Variants in DNAH12 observed in about 807,000 individuals in gnomAD.
DNAH12 encodes the protein dynein axonemal heavy chain 12, also known as axonemal beta dynein heavy chain 12.
A neutral mutation model predicts 371.5 loss-of-function variants in DNAH12; 285 were observed. That is an observed-to-expected ratio of 0.77 (90% CI 0.70 to 0.85). The LOEUF (loss-of-function observed/expected upper bound fraction) is 0.85, where lower values mean the gene tolerates loss of function less well. Among genes scored for constraint, DNAH12 ranks in the 40% least tolerant of loss-of-function variants. DNAH12 has a pLI of 0.00. For synonymous variants in DNAH12, 1,200 were observed against 1,213.0 expected (o/e 0.99, Z 0.22); for missense variants, 3,611 against 3,689.4 (o/e 0.98, Z 0.55).
At chr3:57,526,498 GTT>G (rs1190930233) in intron 2 of DNAH12, among the ~76,000 whole-genome samples, 1 of 143,542 alleles carries the variant, frequency 7.0e-6, no homozygotes, top group East Asian at 2.0e-4. Flanking sequence ...CCATTCATCT[GTT>G]TATGGACACT....
intron 59 of DNAH12, among the ~76,000 whole-genome samples, chr3:57,355,040 A>G (rs1473189663): frequency 6.6e-6 from 1 of 152,178 alleles, no homozygotes; most frequent in Non-Finnish European, 1.5e-5. Flanking sequence ...GGTGGTAGAA[A>G]TATTCTGTAT....
chr3:57,415,047 T>C (rs1251780413), intron 38 of DNAH12, among the ~76,000 whole-genome samples: 3 of 152,122 alleles, frequency 2.0e-5, no homozygotes, highest in African/African-American at 4.8e-5. Flanking sequence ...CTAATGACCA[T>C]CCAGGAGGGT....
intron 2 of DNAH12, among the ~76,000 whole-genome samples, chr3:57,525,266 T>G (rs935248597): frequency 1.3e-5 from 2 of 152,114 alleles, no homozygotes; most frequent in Non-Finnish European, 2.9e-5. Context: ...TTTTGCTCAC[T>G]GCTCTCCCCA....
At chr3:57,323,782 A>G (rs770551358) in intron 62 of DNAH12, among the ~76,000 whole-genome samples, 163 bp from the exon 63 acceptor site, 1 of 152,228 alleles carries the variant, frequency 6.6e-6, no homozygotes, top group Non-Finnish European at 1.5e-5. Flanking sequence ...TAAAAACTAT[A>G]TACATTTATA....
At chr3:57,473,168 C>T (rs1043513133) in intron 13 of DNAH12, among the ~76,000 whole-genome samples, 2 of 151,918 alleles carry the variant, frequency 1.3e-5, no homozygotes, top group Non-Finnish European at 2.9e-5. Flanking sequence ...TAGAATATTG[C>T]GGTATGTAAT....
intron 11 of DNAH12, among the ~76,000 whole-genome samples, chr3:57,491,178 G>A (rs1254153924): frequency 6.7e-6 from 1 of 148,980 alleles, no homozygotes; most frequent in Non-Finnish European, 1.5e-5. Flanking sequence ...GATGAAAGAA[G>A]AAAAACACAA....
intron 4 of DNAH12, among the ~76,000 whole-genome samples, chr3:57,514,243 A>C (rs1180817049): frequency 6.6e-6 from 1 of 151,956 alleles, no homozygotes; most frequent in African/African-American, 2.4e-5. Context: ...AAAATACAAA[A>C]ATTAGCTGGA....
upstream of DNAH12, among the ~76,000 whole-genome samples, chr3:57,545,442 A>C (rs1196530416): frequency 6.6e-6 from 1 of 151,924 alleles, no homozygotes; most frequent in Non-Finnish European, 1.5e-5. Flanking sequence ...TACAGGCGTG[A>C]ACCACTGCAC....
chr3:57,304,239 G>T (rs1412905102), intron 69 of DNAH12, among the ~76,000 whole-genome samples: 3 of 152,184 alleles, frequency 2.0e-5, no homozygotes, highest in Non-Finnish European at 4.4e-5. Flanking sequence ...CTGTTTGGTG[G>T]TCTCTCCACA....
upstream of DNAH12, among the ~76,000 whole-genome samples, chr3:57,544,706 ATAATT>A (rs2069444543): frequency 1.3e-5 from 2 of 152,204 alleles, no homozygotes; most frequent in African/African-American, 4.8e-5. Context: ...AATCAGCAAT[ATAATT>A]TATCTTGCTT....
intron 40 of DNAH12, among the ~76,000 whole-genome samples, chr3:57,407,174 G>A (rs1310848804): frequency 6.6e-6 from 1 of 151,794 alleles, no homozygotes; most frequent in Non-Finnish European, 1.5e-5. Flanking sequence ...TAGGATTACA[G>A]GTGTGAGTCA....
intron 4 of DNAH12, among the ~76,000 whole-genome samples, chr3:57,521,720 CTACTAAAAA>C (rs1312464179): frequency 6.6e-6 from 1 of 151,846 alleles, no homozygotes; most frequent in East Asian, 1.9e-4. Flanking sequence ...AACCCTGTCT[CTACTAAAAA>C]TACAAAAATT....
intron 34 of DNAH12, 120 bp from the exon 35 acceptor site, chr3:57,425,261 T>C: frequency 1.7e-6 from 1 of 586,846 alleles, no homozygotes. Flanking sequence ...TTTTTTTTTG[T>C]TTTTGAGATG....
chr3:57,500,337 A>C (rs547692560), intron 11 of DNAH12, among the ~76,000 whole-genome samples: 88 of 152,282 alleles, frequency 5.8e-4, no homozygotes, highest in African/African-American at 1.9e-3. Context: ...CACTGCACCC[A>C]GCCCAGAATT....
intron 65 of DNAH12, among the ~76,000 whole-genome samples, chr3:57,315,222 G>A (rs1049152329): frequency 1.3e-5 from 2 of 151,820 alleles, no homozygotes; most frequent in African/African-American, 2.4e-5. Context: ...TAAATTTCAA[G>A]TATGATACAC....
intron 62 of DNAH12, among the ~76,000 whole-genome samples, chr3:57,332,392 C>T (rs957540929): frequency 1.3e-5 from 2 of 152,140 alleles, no homozygotes; most frequent in Non-Finnish European, 2.9e-5. Flanking sequence ...ATTGGATTTA[C>T]CCTACTACCA....
At position 57,352,192 on chromosome 3, in the gene DNAH12, T is replaced by C. The variant is rs782698591; in HGVS notation, c.9567A>G (p.Arg3189=). 1.5e-4 allele frequency: 234 copies of C among 1,537,118 alleles called. No homozygotes were observed. Among genetic ancestry groups the C allele is most frequent in the Non-Finnish European group, 2.0e-4 (227 of 1,143,718 alleles). Residue 3189 remains arginine, a synonymous_variant, in exon 60 of 74, where the codon CGA becomes CGG. Transcript: ENST00000495027. ...TGTATGTGAAGTGGTCATTTAAATATCGTAGGCGCTTTTCCAAAATCTTGG... is the reference window on the plus strand; with the variant it reads ...TGTATGTGAAGTGGTCATTTAAATACCGTAGGCGCTTTTCCAAAATCTTGG... ...NKSKILEKRL[R]YLNDHFTYNL... is the part of the protein sequence containing the mutation.
In DNAH12 at chr3:57,419,945, G is replaced by A. The variant is rs894342944; in HGVS notation, c.5563-427C>T. On this transcript the variant is annotated intron_variant, in intron 36 of 73. Coordinates refer to ENST00000495027, the MANE Select transcript of DNAH12 (RefSeq NM_001366028.2). Reference sequence around the variant, plus strand: ...ATGTACTTCAAGTTACAATTTCCTGGGTTTTGGCTTTACTTTTTTATATTT... The same window carrying A: ...ATGTACTTCAAGTTACAATTTCCTGAGTTTTGGCTTTACTTTTTTATATTT... Among the ~76,000 whole-genome samples, 4 of 152,068 alleles carry A rather than the reference G, an allele frequency of 2.6e-5. No homozygotes were observed. The East Asian group carries it at 7.7e-4, about 29-fold the overall frequency.
chr3:57,445,763 C>A lies in DNAH12; in HGVS notation c.4179+268G>T, dbSNP rs187904609. 7.1e-3 allele frequency among the ~76,000 whole-genome samples: 1,072 copies of A among 151,740 alleles called. 11 individuals are homozygous for A. Among genetic ancestry groups the A allele is most frequent in the Middle Eastern group, 0.044 (13 of 294 alleles). ...CAGCACTTTGGGAGGCTGAGGCGGG[C>A]GAATCATGAGGTCAGGAGATCAAGA... On this transcript the variant is annotated intron_variant, in intron 27 of 73. Coordinates refer to ENST00000495027, the MANE Select transcript of DNAH12 (RefSeq NM_001366028.2).
Sources: gnomAD v4.1 joint callset for allele counts (sites outside exome capture counted in the v4.1 genomes callset) on GRCh38, gnomAD v4.1.1 for gene constraint, MANE v1.5 for transcripts, NCBI Gene and HGNC (gene_info 2026-07-23, HGNC 2026-07-21) for gene names.